CREB5: variants seen among roughly 807,000 people sequenced by gnomAD.
CREB5 encodes cAMP responsive element binding protein 5, also known as cyclic AMP-responsive element-binding protein 5.
Under a neutral mutation model 57.1 loss-of-function variants are expected in CREB5, and 19 were observed. The observed-to-expected ratio is 0.33, with a 90% CI of 0.23 to 0.49. The LOEUF (loss-of-function observed/expected upper bound fraction) is 0.49, where lower values mean the gene tolerates loss of function less well. Ranked by LOEUF, CREB5 falls within the 20% of genes least tolerant of loss-of-function variation. The pLI, the probability that CREB5 is intolerant of heterozygous loss-of-function variation, is 0.99. For synonymous variants in CREB5, 238 were observed against 238.3 expected, an observed-to-expected ratio of 1.00 and a Z score of 0.01; for missense variants, 579 against 671.6, an observed-to-expected ratio of 0.86 and a Z score of 1.52.
At chr7:28,535,839 T>C (rs1793946084) in intron 4 of CREB5, among the ~76,000 whole-genome samples, 1 of 152,074 alleles carries the variant, frequency 6.6e-6, no homozygotes, top group South Asian at 2.1e-4. Flanking sequence ...TTCTCCTTGG[T>C]TGGGCTGTGC....
At chr7:28,686,326 C>T (rs780216758) in intron 5 of CREB5, 11 of 685,952 alleles carry the variant, frequency 1.6e-5, no homozygotes, top group East Asian at 5.4e-5. Context: ...CCTTTCTGCC[C>T]GTCTTTGTTT....
At chr7:28,350,682 A>G (rs1786169868) in intron 1 of CREB5, among the ~76,000 whole-genome samples, 1 of 152,134 alleles carries the variant, frequency 6.6e-6, no homozygotes, top group South Asian at 2.1e-4. Context: ...GTGCGTAAGC[A>G]TGGAGGCCAG....
At position 28,820,206 on chromosome 7, in the gene CREB5, G is replaced by A. The variant is rs900093897; in HGVS notation, c.*927G>A. 1.1e-4 allele frequency: 17 copies of A among 152,596 alleles called. No homozygotes were observed. The highest frequency in any genetic ancestry group is 3.9e-4 in the African/African-American group (16 of 41,442). 9.5% of individuals were successfully genotyped at this position (152,596 alleles called of 1,614,324 possible). A position where few individuals can be genotyped will look rare whatever the true frequency, so the allele number is the denominator to read the frequency against. Reference sequence around the variant, plus strand: ...AGCATGGTTGAATACCAGCTGGGGAGACACTAGGGAAGGGAGCTTTGTAAG... The same window carrying A: ...AGCATGGTTGAATACCAGCTGGGGAAACACTAGGGAAGGGAGCTTTGTAAG... On this transcript the variant is annotated 3_prime_UTR_variant, in exon 11 of 11. Transcript: ENST00000357727.
At chr7:28,656,790 T>C (rs114993346) in intron 5 of CREB5, among the ~76,000 whole-genome samples, 1,798 of 152,324 alleles carry the variant, frequency 0.012, 36 homozygotes, top group African/African-American at 0.04. Context: ...TTATTTGTAA[T>C]GCATTTCTCT....
intron 1 of CREB5, among the ~76,000 whole-genome samples, chr7:28,301,794 C>T (rs1785101698): frequency 3.3e-5 from 5 of 152,298 alleles, no homozygotes; most frequent in Middle Eastern, 3.4e-3. Flanking sequence ...GGAGGATGCA[C>T]AAGGCATATT....
rs1283083804 is a variant in CREB5, at chr7:28,823,224, TAAAA to T, written c.*3949_*3952del. On this transcript the variant is annotated 3_prime_UTR_variant, in exon 11 of 11. Transcript: ENST00000357727. ...AGGATAGAATGTGTTTCTTTCTGGT[TAAAA>T]AAAGGAAAAACCATCTAAGAAAATA... is the stretch of plus-strand genomic sequence containing the variant. The T allele has an allele frequency of 1.3e-5, 2 of 152,544 alleles. No homozygotes were observed. The highest frequency in any genetic ancestry group is 4.8e-5 in the African/African-American group (2 of 41,412). The allele number at this position is 152,544 out of a possible 1,614,324, so 9.4% of individuals were successfully genotyped here.
chr7:28,594,857 A>G (rs997816797), intron 5 of CREB5, among the ~76,000 whole-genome samples: 1 of 152,054 alleles, frequency 6.6e-6, no homozygotes, highest in Non-Finnish European at 1.5e-5. Flanking sequence ...TTTTTAGTTA[A>G]TTCTTCCTCC....
At chr7:28,543,713 T>G (rs1221894369) in intron 4 of CREB5, among the ~76,000 whole-genome samples, 1 of 152,090 alleles carries the variant, frequency 6.6e-6, no homozygotes, top group Non-Finnish European at 1.5e-5. Flanking sequence ...AACTTTTGTT[T>G]TGAAAATTCT....
At chr7:28,537,966 TACAAAAAC>T (rs781434733) in intron 4 of CREB5, among the ~76,000 whole-genome samples, 13 of 152,244 alleles carry the variant, frequency 8.5e-5, no homozygotes, top group Non-Finnish European at 1.6e-4. Flanking sequence ...AAACGTCAAT[TACAAAAAC>T]ACTGGGGGAA....
intron 5 of CREB5, among the ~76,000 whole-genome samples, chr7:28,675,416 A>G (rs1266580150): frequency 6.6e-6 from 1 of 152,020 alleles, no homozygotes; most frequent in Non-Finnish European, 1.5e-5. Context: ...AGAACTTATG[A>G]CTTTGGTTTT....
chr7:28,435,852 AC>A (rs2128557915), intron 1 of CREB5, among the ~76,000 whole-genome samples: 1 of 152,220 alleles, frequency 6.6e-6, no homozygotes, highest in South Asian at 2.1e-4. Flanking sequence ...TCTTGGATTT[AC>A]CTAGAAAATG....
chr7:28,779,378 C>T (rs1806842198), intron 7 of CREB5: 1 of 152,152 alleles, frequency 6.6e-6, no homozygotes, highest in Non-Finnish European at 1.5e-5. Flanking sequence ...TATTTATCAA[C>T]TGGAATTTTT....
At chr7:28,432,975 A>T (rs1419052853) in intron 1 of CREB5, among the ~76,000 whole-genome samples, 1 of 152,186 alleles carries the variant, frequency 6.6e-6, no homozygotes, top group Non-Finnish European at 1.5e-5. Flanking sequence ...TTATTTTGTG[A>T]ACATTTCCCC....
intron 1 of CREB5, among the ~76,000 whole-genome samples, chr7:28,429,779 G>A (rs1445396394): frequency 3.9e-5 from 6 of 152,180 alleles, no homozygotes; most frequent in African/African-American, 1.2e-4. Flanking sequence ...ATCGCCTGAG[G>A]TTATTTTATA....
At chr7:28,741,705 A>G (rs576857901) in intron 7 of CREB5, among the ~76,000 whole-genome samples, 1 of 152,144 alleles carries the variant, frequency 6.6e-6, no homozygotes, top group Non-Finnish European at 1.5e-5. Flanking sequence ...TATCCCTTGG[A>G]TTCATTGTTT....
chr7:28,732,408 G>A (rs1803696731), intron 7 of CREB5, among the ~76,000 whole-genome samples: 1 of 152,130 alleles, frequency 6.6e-6, no homozygotes, highest in Non-Finnish European at 1.5e-5. Flanking sequence ...AAAAAAAACT[G>A]CATATGGTTT....
chr7:28,663,637 A>G lies in CREB5; in HGVS notation c.465-55116A>G, dbSNP rs192643834. 5.6e-4 allele frequency among the ~76,000 whole-genome samples: 86 copies of G among 152,322 alleles called. 1 individual carries two copies. The highest frequency in any genetic ancestry group is 2.0e-3 in the African/African-American group (82 of 41,572). On this transcript the variant is annotated intron_variant, in intron 5 of 10. Coordinates refer to ENST00000357727, the MANE Select transcript of CREB5 (RefSeq NM_182898.4). ...TGGTTTCTACATGGAAGTATCAGAA[A>G]CTGAAAGCCTGCTTTTACATGGTGA...
At chr7:28,556,701 C>G (rs1196691259) in intron 4 of CREB5, among the ~76,000 whole-genome samples, 1 of 152,116 alleles carries the variant, frequency 6.6e-6, no homozygotes, top group African/African-American at 2.4e-5. Context: ...CATTCTGTCC[C>G]TTTTTGACTC....
At chr7:28,788,139 G>C (rs1289154125) in intron 7 of CREB5, among the ~76,000 whole-genome samples, 9 of 152,094 alleles carry the variant, frequency 5.9e-5, no homozygotes, top group African/African-American at 2.2e-4. Context: ...GACATTCTGG[G>C]CTGGATAATT....
Sources: allele counts gnomAD v4.1 joint callset (sites outside exome capture counted in the v4.1 genomes callset), GRCh38; gene constraint gnomAD v4.1.1; transcripts MANE v1.5; gene names NCBI Gene and HGNC (gene_info 2026-07-23, HGNC 2026-07-21).